Variants in ERCC4 observed in about 807,000 individuals in gnomAD.
The protein encoded by ERCC4 is ERCC excision repair 4, endonuclease catalytic subunit.
Under a neutral mutation model 76.9 loss-of-function variants are expected in ERCC4, and 65 were observed. The ratio of observed to expected loss-of-function variants is 0.84; its 90% confidence interval spans 0.69 to 1.04. ERCC4 has a LOEUF of 1.04. Ranked by LOEUF, ERCC4 falls within the 50% of genes least tolerant of loss-of-function variation. ERCC4 has a pLI of 0.00. For missense variants in ERCC4, 1,214 were observed against 1,128.2 expected (o/e 1.08, Z -1.09); for synonymous variants, 463 against 410.1 (o/e 1.13, Z -1.56).
intron 4 of ERCC4, 32 bp from the exon 5 acceptor site, chr16:13,930,678 T>G: frequency 2.6e-6 from 4 of 1,517,060 alleles, no homozygotes; most frequent in Non-Finnish European, 3.7e-6. Flanking sequence ...CTTAACATAT[T>G]TTAGCAATAC....
Position 13,948,289 on chromosome 16 carries a change from A to G in ERCC4, c.2693A>G (p.Tyr898Cys), listed in dbSNP as rs2032564211. 6 of 1,613,924 alleles carry G rather than the reference A, an allele frequency of 3.7e-6. No individual in the cohort carries two copies. The highest frequency in any genetic ancestry group is 5.1e-6 in the Non-Finnish European group (6 of 1,180,036). The change falls in exon 11 of 11, where the codon TAT becomes TGT. Residue 898 changes from tyrosine to cysteine, a missense_variant. Transcript: ENST00000311895. ...AATGCTGCAAATGCCAAACAGCTTT[A>G]TGATTTCATTCACACCTCTTTTGCA... The part of the protein sequence containing the change: ...LGNAANAKQL[Y>C]DFIHTSFAEV...
chr16:13,935,320 G>C lies in ERCC4; in HGVS notation c.1388G>C (p.Arg463Thr). The change falls in exon 8 of 11, where the codon AGG becomes ACG. Residue 463 changes from arginine to threonine, a missense_variant. Transcript: ENST00000311895. ...FRKEDSSKRI[R>T]KSHKRPKDPQ... is the part of the protein sequence containing the mutation. ...AAGGAAGACAGTTCAAAGAGAATTAGGAAATCTCACAAAAGACCTAAAGAC... is the reference window on the plus strand; with the variant it reads ...AAGGAAGACAGTTCAAAGAGAATTACGAAATCTCACAAAAGACCTAAAGAC... The C allele has an allele frequency of 1.2e-6, 2 of 1,613,838 alleles. No homozygotes were observed. Among genetic ancestry groups the C allele is most frequent in the Non-Finnish European group, 1.7e-6 (2 of 1,179,956 alleles).
In ERCC4 at chr16:13,948,494, C is replaced by G. The variant is rs1379423488; in HGVS notation, c.*147C>G. On this transcript the variant is annotated 3_prime_UTR_variant, in exon 11 of 11. Coordinates refer to ENST00000311895, the MANE Select transcript of ERCC4 (RefSeq NM_005236.3). Reference sequence around the variant, plus strand: ...TACGGTGGACCAGAAGCCAGGATTCCTCTCTGAACTCTGCAGTTAGGCATC... The same window carrying G: ...TACGGTGGACCAGAAGCCAGGATTCGTCTCTGAACTCTGCAGTTAGGCATC... 2 of 937,264 alleles carry G rather than the reference C, an allele frequency of 2.1e-6. No individual in the cohort carries two copies. Among genetic ancestry groups the G allele is most frequent in the Non-Finnish European group, 1.6e-6 (1 of 609,704 alleles). The allele number at this position is 937,264 out of a possible 1,614,324, so 58.1% of individuals were successfully genotyped here.
chr16:13,940,676 GACATTT>G (rs2032396570), intron 9 of ERCC4, among the ~76,000 whole-genome samples: 1 of 152,192 alleles, frequency 6.6e-6, no homozygotes, highest in South Asian at 2.1e-4. Flanking sequence ...AGCAGCAACA[GACATTT>G]ACGATAAATC....
Position 13,935,805 on chromosome 16 carries a change from A to G in ERCC4, c.1811+62A>G, listed in dbSNP as rs994335643. 2.5e-6 allele frequency: 3 copies of G among 1,197,502 alleles called. No individual in the cohort carries two copies. In the African/African-American group the frequency reaches 4.5e-5, roughly 18 times the overall value. 74.2% of individuals were successfully genotyped at this position (1,197,502 alleles called of 1,614,324 possible). ...TTCTTTAGGATTTAACCCAGAAACTATACCAGTTGCATGTTAGTTTTCTTT... is the reference window on the plus strand; with the variant it reads ...TTCTTTAGGATTTAACCCAGAAACTGTACCAGTTGCATGTTAGTTTTCTTT... On this transcript the variant is annotated intron_variant, in intron 8 of 10. Coordinates refer to ENST00000311895, the MANE Select transcript of ERCC4 (RefSeq NM_005236.3).
chr16:13,924,001 A>C lies in ERCC4; in HGVS notation c.388+1790A>C, dbSNP rs533358791. Among the ~76,000 whole-genome samples the C allele has an allele frequency of 1.3e-4, 20 of 152,340 alleles. No homozygotes were observed. The South Asian group carries it at 4.1e-3, about 32-fold the overall frequency. Reference sequence around the variant, plus strand: ...GAAGTCTGGCTTATCTGTAGCTCCTAATGAAAAATGCCAAATTCCCTCCTC... The same window carrying C: ...GAAGTCTGGCTTATCTGTAGCTCCTCATGAAAAATGCCAAATTCCCTCCTC... On this transcript the variant is annotated intron_variant, in intron 2 of 10. Coordinates refer to ENST00000311895, the MANE Select transcript of ERCC4 (RefSeq NM_005236.3).
At chr16:13,947,309 A>T (rs1323319144) in intron 10 of ERCC4, among the ~76,000 whole-genome samples, 1 of 152,216 alleles carries the variant, frequency 6.6e-6, no homozygotes, top group Non-Finnish European at 1.5e-5. Context: ...ATTGACCAAC[A>T]AAATGTGGTC....
intron 9 of ERCC4, among the ~76,000 whole-genome samples, chr16:13,941,519 ATGT>A (rs2032413009): frequency 6.6e-6 from 1 of 152,250 alleles, no homozygotes; most frequent in Non-Finnish European, 1.5e-5. Flanking sequence ...TCCATGGGTG[ATGT>A]TGTAAGAACA....
At chr16:13,923,822 T>TA (rs2032023554) in intron 2 of ERCC4, among the ~76,000 whole-genome samples, 2 of 152,244 alleles carry the variant, frequency 1.3e-5, no homozygotes, top group Non-Finnish European at 2.9e-5. Context: ...TTTGCTGCTT[T>TA]CTTATAAGCT....
intron 6 of ERCC4, chr16:13,933,103 T>C (rs758254933): frequency 8.0e-6 from 3 of 374,448 alleles, no homozygotes; most frequent in South Asian, 5.9e-5. Flanking sequence ...CGAGGTGATG[T>C]GCACTTATCG....
At chr16:13,921,266 C>T (rs1281704730) in intron 1 of ERCC4, among the ~76,000 whole-genome samples, 1 of 152,084 alleles carries the variant, frequency 6.6e-6, no homozygotes. Flanking sequence ...GAGCTTGACG[C>T]TGAGGATGTT....
chr16:13,946,678 AT>A (rs1356583358), intron 10 of ERCC4, among the ~76,000 whole-genome samples: 1 of 152,224 alleles, frequency 6.6e-6, no homozygotes, highest in Non-Finnish European at 1.5e-5. Context: ...ATCACCTGGC[AT>A]TTTGTTATGA....
At chr16:13,945,449 A>G (rs1469999858) in intron 10 of ERCC4, among the ~76,000 whole-genome samples, 3 of 151,964 alleles carry the variant, frequency 2.0e-5, no homozygotes, top group African/African-American at 7.3e-5. Context: ...CCAAATTCCT[A>G]TTTTCCTATG....
rs1289805688 is a variant in ERCC4, at chr16:13,928,060, A to G, written c.617A>G (p.Gln206Arg). Residue 206 changes from glutamine (Q) to arginine (R), a missense_variant, in exon 4 of 11, where the codon CAG (glutamine) becomes CGG (arginine). Coordinates refer to ENST00000311895, the MANE Select transcript of ERCC4 (RefSeq NM_005236.3). ...GTAGCAGTAAACTCATTTTTAGAAC[A>G]GCACAAACCTGAAGTTGTAGAAATC... ...FHVAVNSFLE[Q>R]HKPEVVEIHV... 1 of 1,613,644 alleles carries G rather than the reference A, an allele frequency of 6.2e-7. No homozygotes were observed. Among genetic ancestry groups the G allele is most frequent in the South Asian group, 1.1e-5 (1 of 91,082 alleles).
rs1382795419 is a variant in ERCC4, at chr16:13,920,335, G to C, written c.170G>C (p.Cys57Ser). ...CTCCAGCTGCACTGCCACCCAGCCTGCCTGGTGCTGGTGCTCAACACGCAG... is the reference window on the plus strand; with the variant it reads ...CTCCAGCTGCACTGCCACCCAGCCTCCCTGGTGCTGGTGCTCAACACGCAG... ...HFLQLHCHPA[C>S]LVLVLNTQPA... Residue 57 changes from cysteine to serine, a missense_variant, in exon 1 of 11, where the codon TGC becomes TCC. By Grantham distance (112) the Cys-to-Ser change is moderately radical. Transcript: ENST00000311895. 2 of 1,597,380 alleles carry C rather than the reference G, an allele frequency of 1.3e-6. No individual in the cohort carries two copies. Among genetic ancestry groups the C allele is most frequent in the Admixed American group, 3.4e-5 (2 of 59,594 alleles).
intron 2 of ERCC4, 141 bp downstream of exon 2, chr16:13,922,352 G>T (rs2031995096): frequency 2.6e-6 from 2 of 772,092 alleles, no homozygotes; most frequent in Admixed American, 3.5e-5. Flanking sequence ...TTTGGTAGGG[G>T]TCGTGGGGCA....
chr16:13,945,537 CA>C (rs2032497548), intron 10 of ERCC4, among the ~76,000 whole-genome samples: 1 of 152,224 alleles, frequency 6.6e-6, no homozygotes, highest in African/African-American at 2.4e-5. Flanking sequence ...AGGCCAAGTA[CA>C]GTTGAAGCAG....
At chr16:13,934,123 T>A in intron 6 of ERCC4, 69 bp from the exon 7 acceptor site, 2 of 1,008,044 alleles carry the variant, frequency 2.0e-6, no homozygotes, top group African/African-American at 1.6e-5. Flanking sequence ...TCTGTTGTTT[T>A]AAAAGCCTTT....
intron 2 of ERCC4, among the ~76,000 whole-genome samples, chr16:13,923,865 A>G (rs1359195376): frequency 2.0e-5 from 3 of 152,170 alleles, no homozygotes; most frequent in Non-Finnish European, 4.4e-5. Flanking sequence ...TTGATTTAAA[A>G]AAATTTTTTT....
Sources: gnomAD v4.1 joint callset for allele counts (sites outside exome capture counted in the v4.1 genomes callset) on GRCh38, gnomAD v4.1.1 for gene constraint, MANE v1.5 for transcripts, NCBI Gene and HGNC (gene_info 2026-07-23, HGNC 2026-07-21) for gene names.